The following PKD2L2 variants were observed in gnomAD, a reference collection of about 807,000 sequenced individuals.
PKD2L2 encodes the protein polycystin 2 like 2, transient receptor potential cation channel.
Under a neutral mutation model 83.9 loss-of-function variants are expected in PKD2L2, and 67 were observed. The observed-to-expected ratio is 0.80, with a 90% confidence interval of 0.66 to 0.98. The LOEUF is 0.98. Among genes scored for constraint, PKD2L2 ranks in the 50% least tolerant of loss-of-function variants. PKD2L2 has a pLI of 0.00. For synonymous variants in PKD2L2, 223 were observed against 237.8 expected, an observed-to-expected ratio of 0.94 and a Z score of 0.57; for missense variants, 632 against 717.2, an observed-to-expected ratio of 0.88 and a Z score of 1.36.
chr5:137,939,821 A>T, intron 14 of PKD2L2: 1 of 1,256,324 alleles, frequency 8.0e-7, no homozygotes, highest in Non-Finnish European at 1.0e-6. Context: ...AAGGCAACAG[A>T]AGAATTCAGT....
chr5:137,936,905 T>C (rs1425896185), intron 14 of PKD2L2, among the ~76,000 whole-genome samples: 7 of 152,206 alleles, frequency 4.6e-5, no homozygotes, highest in African/African-American at 1.7e-4. Context: ...CCATGCATAT[T>C]ATGACAAGCC....
rs1208487311 is a variant in PKD2L2, at chr5:137,906,638, A to G, written c.975+204A>G. ...ATTTTTTTCTGATTTGGTCCTTGGGAGGGTCAGCGTAAACCTACAGGGAAA... is the reference window on the plus strand; with the variant it reads ...ATTTTTTTCTGATTTGGTCCTTGGGGGGGTCAGCGTAAACCTACAGGGAAA... On this transcript the variant is annotated intron_variant, in intron 6 of 14. Coordinates refer to ENST00000508883, the MANE Select transcript of PKD2L2 (RefSeq NM_001300921.2). Among the ~76,000 whole-genome samples, 10 of 152,156 alleles carry G rather than the reference A, an allele frequency of 6.6e-5. No homozygotes were observed. The East Asian group carries it at 1.7e-3, about 26-fold the overall frequency.
intron 11 of PKD2L2, 57 bp from the exon 12 acceptor site, chr5:137,925,818 T>C: frequency 5.2e-6 from 5 of 970,552 alleles, no homozygotes; most frequent in Non-Finnish European, 6.5e-6. Context: ...TACTTTATGG[T>C]GGCATTTCCT....
At chr5:137,924,718 C>T (rs1759229573) in intron 10 of PKD2L2, among the ~76,000 whole-genome samples, 1 of 152,188 alleles carries the variant, frequency 6.6e-6, no homozygotes. Context: ...TCTTTTATCA[C>T]TTGAATATGA....
chr5:137,925,165 C>T (rs544747301), intron 11 of PKD2L2, 61 bp downstream of exon 11: 4 of 1,025,700 alleles, frequency 3.9e-6, no homozygotes, highest in African/African-American at 3.2e-5. Flanking sequence ...TATATGAGAA[C>T]CTTATAAGGT....
chr5:137,911,042 T>C (rs1395553534), intron 8 of PKD2L2, among the ~76,000 whole-genome samples: 1 of 152,208 alleles, frequency 6.6e-6, no homozygotes, highest in Non-Finnish European at 1.5e-5. Flanking sequence ...ATTCATATTG[T>C]GCAACCATCA....
intron 8 of PKD2L2, among the ~76,000 whole-genome samples, chr5:137,912,052 C>T (rs1475812640): frequency 6.6e-6 from 1 of 152,150 alleles, no homozygotes; most frequent in Admixed American, 6.5e-5. Flanking sequence ...ATCCATTTAA[C>T]CATTAATAGA....
intron 6 of PKD2L2, among the ~76,000 whole-genome samples, chr5:137,907,085 C>T (rs1048978391): frequency 6.6e-6 from 1 of 152,124 alleles, no homozygotes; most frequent in Non-Finnish European, 1.5e-5. Flanking sequence ...GATCTTTCAC[C>T]CTTATTGGCC....
intron 5 of PKD2L2, 117 bp downstream of exon 5, chr5:137,899,854 T>C (rs1269669040): frequency 5.9e-6 from 3 of 510,140 alleles, no homozygotes; most frequent in Non-Finnish European, 6.9e-6. Context: ...CACTTAGATA[T>C]GGATTTTTTT....
At position 137,923,448 on chromosome 5, in the gene PKD2L2, C is replaced by A. The variant is rs368644535; in HGVS notation, c.1478C>A (p.Thr493Asn). The change falls in exon 10 of 15, where the codon ACC becomes AAC. Residue 493 changes from threonine to asparagine, a missense_variant. Thr to Asn is a moderately conservative substitution (Grantham distance 65, BLOSUM62 0). Around this residue, in one of 3 missense-constraint regions of PKD2L2, gnomAD observed 399 missense variants for 416.9 expected, o/e 0.96. Coordinates refer to ENST00000508883, the MANE Select transcript of PKD2L2 (RefSeq NM_001300921.2). ...ATGTTCTTGGCAATTATTAATGATA[C>A]CTATTCTGAAGTGAAAGCTGACTAT... ...LNMFLAIIND[T>N]YSEVKADYSI... is the part of the protein sequence containing the mutation. 1.6e-4 allele frequency: 242 copies of A among 1,526,278 alleles called. No individual in the cohort carries two copies. The highest frequency in any genetic ancestry group is 2.2e-4 in the Non-Finnish European group (238 of 1,100,742). 94.5% of individuals were successfully genotyped at this position (1,526,278 alleles called of 1,614,324 possible).
At chr5:137,922,711 C>T (rs998969202) in intron 9 of PKD2L2, among the ~76,000 whole-genome samples, 2 of 152,098 alleles carry the variant, frequency 1.3e-5, no homozygotes, top group Non-Finnish European at 2.9e-5. Context: ...GCACTCCAGC[C>T]TGGGCAACAG....
chr5:137,934,933 G>C (rs1760195352), intron 12 of PKD2L2, among the ~76,000 whole-genome samples: 1 of 152,146 alleles, frequency 6.6e-6, no homozygotes, highest in South Asian at 2.1e-4. Flanking sequence ...CACTCTCTAA[G>C]ATAGTTTCTC....
intron 8 of PKD2L2, among the ~76,000 whole-genome samples, chr5:137,912,858 G>A (rs1460226911): frequency 3.7e-5 from 5 of 135,810 alleles, no homozygotes; most frequent in East Asian, 2.3e-4. Flanking sequence ...AGGCTGGAGC[G>A]CAATGGTGTG....
At chr5:137,898,724 ATT>A (rs555600685) in intron 4 of PKD2L2, among the ~76,000 whole-genome samples, 2 of 142,940 alleles carry the variant, frequency 1.4e-5, no homozygotes, top group African/African-American at 2.6e-5. Flanking sequence ...TAACAGATGG[ATT>A]TTTTTTTTTT....
At chr5:137,894,010 A>G (rs1470177479) in intron 3 of PKD2L2, among the ~76,000 whole-genome samples, 1 of 152,154 alleles carries the variant, frequency 6.6e-6, no homozygotes, top group Admixed American at 6.5e-5. Context: ...GAGGAGGGGT[A>G]CAGACAACTT....
At chr5:137,913,710 G>T (rs920831913) in intron 8 of PKD2L2, among the ~76,000 whole-genome samples, 56 of 151,756 alleles carry the variant, frequency 3.7e-4, no homozygotes, top group African/African-American at 1.4e-3. Context: ...TTTTTTAAAT[G>T]TATTTTTTAT....
intron 8 of PKD2L2, among the ~76,000 whole-genome samples, chr5:137,917,166 T>C (rs941785499): frequency 6.7e-6 from 1 of 148,792 alleles, no homozygotes; most frequent in Non-Finnish European, 1.5e-5. Context: ...ACTTTTCTTT[T>C]TTTTTTTTTT....
At chr5:137,921,476 T>C (rs1758900562) in intron 8 of PKD2L2, among the ~76,000 whole-genome samples, 160 bp from the exon 9 acceptor site, 1 of 152,170 alleles carries the variant, frequency 6.6e-6, no homozygotes, top group Admixed American at 6.5e-5. Context: ...TAGGGGAATT[T>C]TCTACATCCA....
At chr5:137,895,903 G>T (rs1756421686) in intron 4 of PKD2L2, among the ~76,000 whole-genome samples, 1 of 150,252 alleles carries the variant, frequency 6.7e-6, no homozygotes, top group Non-Finnish European at 1.5e-5. Context: ...AAGGCCAAGT[G>T]TGGTGGCTCA....
Sources: gnomAD v4.1 joint callset for allele counts (sites outside exome capture counted in the v4.1 genomes callset) on GRCh38, gnomAD v4.1.1 for gene constraint, gnomAD v4.1.1 regional missense constraint, MANE v1.5 for transcripts, NCBI Gene and HGNC (gene_info 2026-07-23, HGNC 2026-07-21) for gene names.